Variants in RNF24 observed in about 807,000 individuals in gnomAD.
The protein encoded by RNF24 is ring finger protein 24.
RNF24 carries 14 observed loss-of-function variants against 20.0 expected under a neutral mutation model. The observed-to-expected ratio is 0.70, with a 90% CI of 0.46 to 1.10. The LOEUF is 1.10. RNF24 is among the 50% of genes least tolerant of loss of function. The pLI is 0.00. For missense variants in RNF24, 124 were observed against 177.6 expected, an observed-to-expected ratio of 0.70 and a Z score of 1.71; for synonymous variants, 45 against 61.1, an observed-to-expected ratio of 0.74 and a Z score of 1.23.
intron 1 of RNF24, among the ~76,000 whole-genome samples, chr20:4,000,968 T>C (rs1200045545): frequency 6.6e-6 from 1 of 152,112 alleles, no homozygotes; most frequent in Non-Finnish European, 1.5e-5. Context: ...TGGAACTTAC[T>C]ATGCAAAAAT....
At chr20:3,952,831 C>T (rs2091097252) in intron 2 of RNF24, among the ~76,000 whole-genome samples, 1 of 152,094 alleles carries the variant, frequency 6.6e-6, no homozygotes, top group South Asian at 2.1e-4. Flanking sequence ...GTATTGATTG[C>T]TTTTCAAATG....
chr20:3,981,978 T>C (rs1285519840), intron 1 of RNF24, among the ~76,000 whole-genome samples: 1 of 151,470 alleles, frequency 6.6e-6, no homozygotes, highest in Non-Finnish European at 1.5e-5. Context: ...ATTAGCTGGG[T>C]ATGGTGGTGC....
At chr20:3,944,457 T>G (rs993156687) in intron 4 of RNF24, among the ~76,000 whole-genome samples, 2 of 152,190 alleles carry the variant, frequency 1.3e-5, no homozygotes, top group African/African-American at 4.8e-5. Flanking sequence ...AGCTAGGCTA[T>G]ATGCGACACT....
rs577940188 is a variant in RNF24, at chr20:3,970,292, A to G, written c.-7-6268T>C. Among the ~76,000 whole-genome samples the G allele has an allele frequency of 3.3e-5, 5 of 152,208 alleles. No homozygotes were observed. In the South Asian group the frequency reaches 8.3e-4, roughly 25 times the overall value. ...GGCTAAATAGGGAACCTGGACTTCT[A>G]CCTTTACCTGGCATTAATGAAGCAG... On this transcript the variant is annotated intron_variant, in intron 1 of 5. Coordinates refer to ENST00000358395, the MANE Select transcript of RNF24 (RefSeq NM_001134337.3).
chr20:3,952,788 C>T lies in RNF24; in HGVS notation c.144-4509G>A, dbSNP rs372325077. On this transcript the variant is annotated intron_variant, in intron 2 of 5. Transcript: ENST00000358395. The stretch of plus-strand genomic sequence containing the variant: ...GAATAGGTATTAAATTTTATCAATG[C>T]TTTATGATATTATACTATTAATGTG... Among the ~76,000 whole-genome samples the T allele has an allele frequency of 4.6e-5, 7 of 151,996 alleles. No individual in the cohort carries two copies. The South Asian group carries it at 1.2e-3, about 27-fold the overall frequency.
At chr20:3,942,533 C>T (rs1459973130) in intron 4 of RNF24, among the ~76,000 whole-genome samples, 6 of 151,996 alleles carry the variant, frequency 3.9e-5, no homozygotes, top group Non-Finnish European at 7.4e-5. Flanking sequence ...AGTGCAGTGG[C>T]GTGATCTCAG....
chr20:3,943,992 G>A (rs1237737086), intron 4 of RNF24, among the ~76,000 whole-genome samples: 1 of 151,922 alleles, frequency 6.6e-6, no homozygotes, highest in Admixed American at 6.6e-5. Context: ...GGTGGATTAC[G>A]TGAGGTCAGG....
chr20:4,008,476 A>T (rs1396406915), intron 1 of RNF24, among the ~76,000 whole-genome samples: 4 of 114,642 alleles, frequency 3.5e-5, no homozygotes, highest in East Asian at 2.2e-4. Flanking sequence ...AATATGTATA[A>T]TATATAATAT....
intron 1 of RNF24, among the ~76,000 whole-genome samples, chr20:4,006,913 G>A (rs931291365): frequency 1.3e-5 from 2 of 152,236 alleles, no homozygotes; most frequent in African/African-American, 4.8e-5. Context: ...AGGAGGCTCT[G>A]CCAGCTGGCT....
intron 4 of RNF24, among the ~76,000 whole-genome samples, chr20:3,942,064 ACT>A (rs1286358342): frequency 6.7e-6 from 1 of 149,738 alleles, no homozygotes; most frequent in African/African-American, 2.5e-5. Context: ...GTAGAGCTAG[ACT>A]CTATCTCAAA....
In RNF24 at chr20:3,948,317, C is replaced by T. The variant is rs757984237; in HGVS notation, c.144-38G>A. The T allele has an allele frequency of 1.0e-5, 14 of 1,396,952 alleles. No homozygotes were observed. In the African/African-American group the frequency reaches 1.6e-4, roughly 16 times the overall value. The allele number at this position is 1,396,952 out of a possible 1,614,324, so 86.5% of individuals were successfully genotyped here. ...AATTAGTAATGCAATATTGAGATTTCCAACATAGTAACTTGAAGAAAAATA... is the reference window on the plus strand; with the variant it reads ...AATTAGTAATGCAATATTGAGATTTTCAACATAGTAACTTGAAGAAAAATA... On this transcript the variant is annotated intron_variant, in intron 2 of 5. Coordinates refer to ENST00000358395, the MANE Select transcript of RNF24 (RefSeq NM_001134337.3).
At chr20:3,945,779 C>CT (rs2091009569) in intron 3 of RNF24, among the ~76,000 whole-genome samples, 2 of 150,654 alleles carry the variant, frequency 1.3e-5, no homozygotes, top group East Asian at 3.9e-4. Context: ...GGTGACCAGA[C>CT]AGTAGTTAAA....
At chr20:4,013,400 AC>A (rs1982619698) in intron 1 of RNF24, among the ~76,000 whole-genome samples, 1 of 152,202 alleles carries the variant, frequency 6.6e-6, no homozygotes, top group South Asian at 2.1e-4. Context: ...AGAAAACAGA[AC>A]CCATACAATT....
chr20:3,935,114 G>T, intron 4 of RNF24, 41 bp from the exon 5 acceptor site: 5 of 1,570,238 alleles, frequency 3.2e-6, no homozygotes, highest in Non-Finnish European at 4.4e-6. Context: ...TGTCTGTTAA[G>T]TACCCTCCCA....
chr20:3,962,830 A>G (rs1267513473), intron 2 of RNF24, among the ~76,000 whole-genome samples: 1 of 150,596 alleles, frequency 6.6e-6, no homozygotes, highest in Admixed American at 6.6e-5. Context: ...CCTGCCAAGT[A>G]GCTGGGATTA....
chr20:4,005,891 C>T (rs1292995581), intron 1 of RNF24, among the ~76,000 whole-genome samples: 3 of 152,110 alleles, frequency 2.0e-5, no homozygotes, highest in Admixed American at 6.5e-5. Context: ...ATCAAATGAA[C>T]TGAATGCTCA....
rs999108048 is a variant in RNF24, at chr20:3,928,023, C to T, written c.*6040G>A. ...CTCTTTTTCTTCTGATATCCCCACTCAAATGGAAGCACACTCCCCAGCACA... is the reference window on the plus strand; with the variant it reads ...CTCTTTTTCTTCTGATATCCCCACTTAAATGGAAGCACACTCCCCAGCACA... On this transcript the variant is annotated 3_prime_UTR_variant, in exon 6 of 6. Transcript: ENST00000358395. 3 of 152,150 alleles carry T rather than the reference C, an allele frequency of 2.0e-5. No individual in the cohort carries two copies. Among genetic ancestry groups the T allele is most frequent in the Non-Finnish European group, 4.4e-5 (3 of 68,036 alleles). The allele number at this position is 152,150 out of a possible 1,614,324, so 9.4% of individuals were successfully genotyped here.
At chr20:3,965,673 T>C (rs2091250079) in intron 1 of RNF24, among the ~76,000 whole-genome samples, 1 of 152,200 alleles carries the variant, frequency 6.6e-6, no homozygotes, top group African/African-American at 2.4e-5. Context: ...TGTGGAGCTA[T>C]TAGAAAATTA....
At chr20:3,971,075 C>CT (rs899311069) in intron 1 of RNF24, among the ~76,000 whole-genome samples, 1 of 151,518 alleles carries the variant, frequency 6.6e-6, no homozygotes, top group African/African-American at 2.4e-5. Flanking sequence ...ACAACAAAAT[C>CT]TTTTTTTTTC....
Sources: gnomAD v4.1 joint callset for allele counts (sites outside exome capture counted in the v4.1 genomes callset) on GRCh38, gnomAD v4.1.1 for gene constraint, MANE v1.5 for transcripts, NCBI Gene and HGNC (gene_info 2026-07-23, HGNC 2026-07-21) for gene names.